The following GAB2 variants were observed in gnomAD, a reference collection of about 807,000 sequenced individuals.
GAB2 encodes the protein GRB2 associated binding protein 2.
GAB2 carries 26 observed loss-of-function variants against 65.5 expected under a neutral mutation model. That is an observed-to-expected ratio of 0.40 (90% CI 0.29 to 0.55). The LOEUF (loss-of-function observed/expected upper bound fraction) is 0.55, where lower values mean the gene tolerates loss of function less well. Among genes scored for constraint, GAB2 ranks in the 20% least tolerant of loss-of-function variants. The probability of loss-of-function intolerance (pLI) is 0.53; values close to 1 mark genes in which losing one functional copy is unlikely to be tolerated. For synonymous variants in GAB2, 321 were observed against 329.6 expected (o/e 0.97, Z 0.28); for missense variants, 884 against 875.8 (o/e 1.01, Z -0.12).
chr11:78,323,749 T>C (rs1855769371), intron 1 of GAB2, among the ~76,000 whole-genome samples: 1 of 149,826 alleles, frequency 6.7e-6, no homozygotes, highest in African/African-American at 2.5e-5. Context: ...TCTTGTAATA[T>C]ATCCATGGAA....
In GAB2 at chr11:78,311,732, A is replaced by G. The variant is rs61023839; in HGVS notation, c.76-30831T>C. On this transcript the variant is annotated intron_variant, in intron 1 of 9. Transcript: ENST00000361507. Reference sequence around the variant, plus strand: ...ATTCATTAATTCTTTCCATAAATACATAAGATACAATTAGTTTACCAGAGT... The same window carrying G: ...ATTCATTAATTCTTTCCATAAATACGTAAGATACAATTAGTTTACCAGAGT... Among the ~76,000 whole-genome samples the G allele has an allele frequency of 5.2e-3, 787 of 152,310 alleles. 4 individuals are homozygous for G. Among genetic ancestry groups the G allele is most frequent in the African/African-American group, 0.018 (740 of 41,568 alleles).
rs1864135688 is a variant in GAB2 at position 78,216,162 on chromosome 11, C to T, written c.*3110G>A. 6.6e-6 allele frequency: 1 copy of T among 152,606 alleles called. No homozygotes were observed. The highest frequency in any genetic ancestry group is 1.5e-5 in the Non-Finnish European group (1 of 68,054). The allele number at this position is 152,606 out of a possible 1,614,324, so 9.5% of individuals were successfully genotyped here. A position where few individuals can be genotyped will look rare whatever the true frequency, so the allele number is the denominator to read the frequency against. On this transcript the variant is annotated 3_prime_UTR_variant, in exon 10 of 10. Transcript: ENST00000361507. The stretch of plus-strand genomic sequence containing the variant: ...CTAATCCAACCTCCCATTCCACAGA[C>T]AGGCAGATCAAGGACTTAAGGAGAC...
Position 78,219,369 on chromosome 11 carries a change from T to A in GAB2, c.1934A>T (p.Gln645Leu). Reference protein sequence around the residue: ...VTSDEKVDYVQVDKEKTQALQ... With the variant: ...VTSDEKVDYVLVDKEKTQALQ... ...GGCCTGGGTCTTCTCCTTGTCCACC[T>A]GAACGTAGTCCACCTTCTCATCAGA... The change falls in exon 10 of 10, where the codon CAG (glutamine) becomes CTG (leucine). Residue 645 changes from glutamine to leucine, a missense_variant. Gln to Leu is a moderately radical substitution (Grantham distance 113). Transcript: ENST00000361507. 2.5e-6 allele frequency: 4 copies of A among 1,613,884 alleles called. No individual in the cohort carries two copies. Among genetic ancestry groups the A allele is most frequent in the Non-Finnish European group, 3.4e-6 (4 of 1,179,838 alleles).
At chr11:78,338,106 G>A (rs138157849) in intron 1 of GAB2, among the ~76,000 whole-genome samples, 12 of 152,332 alleles carry the variant, frequency 7.9e-5, no homozygotes, top group African/African-American at 2.4e-4. Flanking sequence ...AGGAGAGCAG[G>A]ATGAAGTGAA....
intron 3 of GAB2, among the ~76,000 whole-genome samples, chr11:78,248,823 A>G (rs959217599): frequency 6.6e-6 from 1 of 152,242 alleles, no homozygotes; most frequent in Non-Finnish European, 1.5e-5. Context: ...AAGCCTGAAC[A>G]TGCTTTTCAT....
intron 1 of GAB2, among the ~76,000 whole-genome samples, chr11:78,315,884 T>A (rs1035664340): frequency 6.6e-6 from 1 of 152,076 alleles, no homozygotes; most frequent in Non-Finnish European, 1.5e-5. Flanking sequence ...CCAGAGGAGG[T>A]TGACATTTGA....
chr11:78,225,139 T>C lies in GAB2; in HGVS notation c.1271A>G (p.Glu424Gly). Residue 424 changes from glutamate (E) to glycine (G), a missense_variant, in exon 5 of 10, where the codon GAA becomes GGA. Physicochemically the swap from Glu to Gly is moderately conservative, Grantham distance 98. Transcript: ENST00000361507. ...RGGESAGRSA[E>G]SMSDGVGSFL... ...AGAGCCAACTCCATCACTCATGGAT[T>C]CAGCAGACCGGCCTGCACTCTCTCC... is the stretch of plus-strand genomic sequence containing the variant. The C allele has an allele frequency of 7.4e-6, 12 of 1,613,546 alleles. No individual in the cohort carries two copies. The highest frequency in any genetic ancestry group is 1.0e-5 in the Non-Finnish European group (12 of 1,179,460).
chr11:78,412,608 T>A (rs757567099), intron 1 of GAB2, among the ~76,000 whole-genome samples: 4 of 152,230 alleles, frequency 2.6e-5, no homozygotes, highest in Admixed American at 2.6e-4. Flanking sequence ...ACTGTTGTGA[T>A]ACTGTACTAT....
At chr11:78,266,239 T>A (rs79998456) in intron 2 of GAB2, among the ~76,000 whole-genome samples, 246 of 46,204 alleles carry the variant, frequency 5.3e-3, no homozygotes, top group Admixed American at 8.3e-3. Flanking sequence ...AAAAAAAAAA[T>A]CATGTGGATA....
At chr11:78,344,419 G>T (rs1465447249) in intron 1 of GAB2, among the ~76,000 whole-genome samples, 1 of 152,154 alleles carries the variant, frequency 6.6e-6, no homozygotes, top group African/African-American at 2.4e-5. Flanking sequence ...CAAAGACAAG[G>T]TATAAATGCA....
intron 2 of GAB2, among the ~76,000 whole-genome samples, chr11:78,264,396 ATTTC>A (rs1241199353): frequency 3.5e-5 from 5 of 142,022 alleles, no homozygotes; most frequent in Non-Finnish European, 6.0e-5. Flanking sequence ...TTTTTTAAAA[ATTTC>A]TTTTTCTTTT....
At chr11:78,274,304 G>A (rs1331400308) in intron 2 of GAB2, among the ~76,000 whole-genome samples, 1 of 152,112 alleles carries the variant, frequency 6.6e-6, no homozygotes, top group Non-Finnish European at 1.5e-5. Flanking sequence ...ACAGATGGAA[G>A]GAAGGAAAGA....
At chr11:78,222,587 T>C (rs1356045554) in intron 6 of GAB2, among the ~76,000 whole-genome samples, 1 of 150,154 alleles carries the variant, frequency 6.7e-6, no homozygotes, top group Non-Finnish European at 1.5e-5. Flanking sequence ...TTAACACACA[T>C]ATATGTATTT....
chr11:78,258,533 A>T (rs1865653872), intron 2 of GAB2, among the ~76,000 whole-genome samples: 1 of 152,070 alleles, frequency 6.6e-6, no homozygotes, highest in Admixed American at 6.5e-5. Flanking sequence ...AATGAGAAAC[A>T]TGTATTTAAA....
At chr11:78,313,920 AT>A (rs985861533) in intron 1 of GAB2, among the ~76,000 whole-genome samples, 1 of 152,230 alleles carries the variant, frequency 6.6e-6, no homozygotes, top group African/African-American at 2.4e-5. Context: ...TACCAAAAAA[AT>A]GTGAAGAGAG....
In GAB2 at chr11:78,363,585, TC is replaced by T. The variant is rs1274088633; in HGVS notation, c.75+54060del. Among the ~76,000 whole-genome samples, 1,017 of 150,324 alleles carry T rather than the reference TC, an allele frequency of 6.8e-3. 10 individuals carry two copies. The highest frequency in any genetic ancestry group is 0.024 in the African/African-American group (962 of 40,054). ...GTAAAAGATAAATAGAAATATATTT[TC>T]TTTTTTTTTTTTTTTTGAGACAGGG... On this transcript the variant is annotated intron_variant, in intron 1 of 9. Transcript: ENST00000361507.
At position 78,339,254 on chromosome 11, in the gene GAB2, A is replaced by C. The variant is rs1380626783; in HGVS notation, c.76-58353T>G. On this transcript the variant is annotated intron_variant, in intron 1 of 9. Coordinates refer to ENST00000361507, the MANE Select transcript of GAB2 (RefSeq NM_080491.3). Reference sequence around the variant, plus strand: ...ATTCCTTTCATGACAAATCTATGACACTCTTCTTTCATTTTGAATTTCTTT... The same window carrying C: ...ATTCCTTTCATGACAAATCTATGACCCTCTTCTTTCATTTTGAATTTCTTT... 3.9e-5 allele frequency among the ~76,000 whole-genome samples: 6 copies of C among 151,998 alleles called. 1 individual carries two copies. The East Asian group carries it at 1.2e-3, about 29-fold the overall frequency.
At chr11:78,294,859 CA>C (rs1205974118) in intron 1 of GAB2, among the ~76,000 whole-genome samples, 1 of 152,132 alleles carries the variant, frequency 6.6e-6, no homozygotes, top group East Asian at 1.9e-4. Flanking sequence ...ACACCAAAAG[CA>C]ATGGCAACAA....
rs116637428 is a variant in GAB2, at chr11:78,401,847, G to T, written c.75+15799C>A. Among the ~76,000 whole-genome samples the T allele has an allele frequency of 7.7e-3, 1,165 of 152,278 alleles. 14 individuals are homozygous for T. The highest frequency in any genetic ancestry group is 0.026 in the African/African-American group (1,064 of 41,540). ...CAGGAGACTGGCCTTGAACTGGTTA[G>T]AACAGTCTCCTTAATGCTGTGAATA... is the stretch of plus-strand genomic sequence containing the variant. On this transcript the variant is annotated intron_variant, in intron 1 of 9. Transcript: ENST00000361507.
Sources: allele counts gnomAD v4.1 joint callset (sites outside exome capture counted in the v4.1 genomes callset), GRCh38; gene constraint gnomAD v4.1.1; transcripts MANE v1.5; gene names NCBI Gene and HGNC (gene_info 2026-07-23, HGNC 2026-07-21).